Variants in AFG1L observed in about 807,000 individuals in gnomAD.
AFG1L encodes the protein AFG1-like ATPase.
Under a neutral mutation model 62.2 loss-of-function variants are expected in AFG1L, and 53 were observed. The observed-to-expected ratio is 0.85, with a 90% CI of 0.68 to 1.07. AFG1L has a LOEUF of 1.07. AFG1L is among the 50% of genes least tolerant of loss of function. AFG1L has a pLI of 0.00. For missense variants in AFG1L, 555 were observed against 590.5 expected (o/e 0.94, Z 0.62); for synonymous variants, 228 against 210.3 (o/e 1.08, Z -0.73).
At chr6:108,350,352 T>C (rs1302162179) in intron 3 of AFG1L, among the ~76,000 whole-genome samples, 1 of 151,930 alleles carries the variant, frequency 6.6e-6, no homozygotes, top group African/African-American at 2.4e-5. Flanking sequence ...AAATAATTTT[T>C]AAGGAGACTT....
intron 6 of AFG1L, among the ~76,000 whole-genome samples, chr6:108,399,138 T>C (rs932705613): frequency 1.3e-5 from 2 of 151,682 alleles, no homozygotes; most frequent in African/African-American, 4.8e-5. Context: ...CATCAGTGTT[T>C]TATAGTTTCT....
intron 7 of AFG1L, among the ~76,000 whole-genome samples, chr6:108,433,708 T>A (rs1266305958): frequency 6.6e-6 from 1 of 152,136 alleles, no homozygotes; most frequent in Non-Finnish European, 1.5e-5. Flanking sequence ...TTCTCCTGCC[T>A]CGGCTTTCTG....
rs1260084560 is a variant in AFG1L, at chr6:108,356,798, T to A, written c.626T>A (p.Leu209His). Reference sequence around the variant, plus strand: ...GAAGAAATCAGCGAAGAAGCATGTCTCCTATGTTTTGATGAATTTCAGGTA... The same window carrying A: ...GAAGAAATCAGCGAAGAAGCATGTCACCTATGTTTTGATGAATTTCAGGTA... ...IAEEISEEAC[L>H]LCFDEFQVTD... Residue 209 changes from leucine (L) to histidine (H), a missense_variant, in exon 5 of 13, where the codon CTC becomes CAC. Transcript: ENST00000368977. The A allele has an allele frequency of 6.2e-7, 1 of 1,612,700 alleles. No individual in the cohort carries two copies. Among genetic ancestry groups the A allele is most frequent in the South Asian group, 1.1e-5 (1 of 90,632 alleles).
intron 6 of AFG1L, among the ~76,000 whole-genome samples, chr6:108,395,616 G>C (rs1292499772): frequency 6.6e-5 from 10 of 151,676 alleles, no homozygotes; most frequent in Admixed American, 6.6e-4. Context: ...TGCCCAGGCT[G>C]GTCTCAAACT....
rs1010816653 is a variant in AFG1L, at chr6:108,409,853, G to A, written c.807+7799G>A. 3.3e-4 allele frequency among the ~76,000 whole-genome samples: 50 copies of A among 152,130 alleles called. 1 individual carries two copies. Among genetic ancestry groups the A allele is most frequent in the Admixed American group, 3.3e-3 (50 of 15,282 alleles). ...CAGAAAAAAATGCTAGATATGGAAA[G>A]CAGACAGCAGAGATCATACATTCAC... On this transcript the variant is annotated intron_variant, in intron 7 of 12. Transcript: ENST00000368977.
chr6:108,435,410 G>A (rs1771262546), intron 7 of AFG1L, among the ~76,000 whole-genome samples: 1 of 152,172 alleles, frequency 6.6e-6, no homozygotes, highest in Admixed American at 6.5e-5. Context: ...AACAGGGCTG[G>A]GCACAGTGGC....
chr6:108,409,384 A>C (rs937440942), intron 7 of AFG1L, among the ~76,000 whole-genome samples: 10 of 152,212 alleles, frequency 6.6e-5, no homozygotes, highest in Non-Finnish European at 5.9e-5. Context: ...AAATGGATTG[A>C]ACATGGGTCC....
chr6:108,497,001 C>A (rs1002919959), intron 10 of AFG1L, among the ~76,000 whole-genome samples: 6 of 152,112 alleles, frequency 3.9e-5, no homozygotes, highest in African/African-American at 1.4e-4. Context: ...TTGAACCATT[C>A]TTCTGTTATC....
intron 7 of AFG1L, among the ~76,000 whole-genome samples, chr6:108,438,712 G>A (rs1247131582): frequency 6.6e-6 from 1 of 152,042 alleles, no homozygotes; most frequent in East Asian, 1.9e-4. Flanking sequence ...ACTTCATGAT[G>A]CTTAAATATC....
chr6:108,487,722 C>T (rs935116117), intron 10 of AFG1L, among the ~76,000 whole-genome samples: 1 of 152,134 alleles, frequency 6.6e-6, no homozygotes, highest in African/African-American at 2.4e-5. Context: ...GAAAGGTGAG[C>T]AGAATTTAGA....
chr6:108,327,561 C>T (rs1778098256), intron 2 of AFG1L, among the ~76,000 whole-genome samples: 1 of 152,214 alleles, frequency 6.6e-6, no homozygotes, highest in Admixed American at 6.5e-5. Flanking sequence ...TGAGCTCCCT[C>T]AGGCCTCTTT....
intron 7 of AFG1L, among the ~76,000 whole-genome samples, chr6:108,415,021 C>CCCAT (rs1212343871): frequency 6.6e-6 from 1 of 152,052 alleles, no homozygotes; most frequent in Non-Finnish European, 1.5e-5. Context: ...TTTAGAAAAC[C>CCCAT]CCATCGTCTC....
chr6:108,361,192 A>G lies in AFG1L; in HGVS notation c.648+4372A>G, dbSNP rs536618244. On this transcript the variant is annotated intron_variant, in intron 5 of 12. Transcript: ENST00000368977. The stretch of plus-strand genomic sequence containing the variant: ...TGCCTTTGTGGCTCTTCTCTGACCT[A>G]TGTCCAGTTTATGCCTGTCTGACCA... 5.3e-5 allele frequency among the ~76,000 whole-genome samples: 8 copies of G among 152,282 alleles called. No homozygotes were observed. In the South Asian group the frequency reaches 1.2e-3, roughly 24 times the overall value.
chr6:108,515,655 T>C (rs1466893199), intron 11 of AFG1L, among the ~76,000 whole-genome samples: 1 of 151,924 alleles, frequency 6.6e-6, no homozygotes, highest in East Asian at 1.9e-4. Context: ...AAGATCAGAA[T>C]AGAACGGAAG....
At chr6:108,367,564 T>G (rs977972418) in intron 6 of AFG1L, among the ~76,000 whole-genome samples, 1 of 152,136 alleles carries the variant, frequency 6.6e-6, no homozygotes, top group African/African-American at 2.4e-5. Flanking sequence ...GGTTTTGGCC[T>G]GAGCAATTGG....
At chr6:108,418,030 C>T (rs1582556402) in intron 7 of AFG1L, among the ~76,000 whole-genome samples, 1 of 152,080 alleles carries the variant, frequency 6.6e-6, no homozygotes, top group Non-Finnish European at 1.5e-5. Flanking sequence ...GACGGGGGTT[C>T]ATCATGTTAG....
At chr6:108,453,360 T>G (rs1276425984) in intron 8 of AFG1L, among the ~76,000 whole-genome samples, 1 of 152,232 alleles carries the variant, frequency 6.6e-6, no homozygotes, top group Non-Finnish European at 1.5e-5. Context: ...CTTAAATACT[T>G]TTACTAGTGG....
intron 1 of AFG1L, among the ~76,000 whole-genome samples, chr6:108,314,929 C>T (rs1777535335): frequency 6.6e-6 from 1 of 151,948 alleles, no homozygotes; most frequent in East Asian, 1.9e-4. Flanking sequence ...AACTTTGCCT[C>T]CTGGGTTCAA....
chr6:108,373,082 G>A (rs1562116332), intron 6 of AFG1L, among the ~76,000 whole-genome samples: 1 of 151,972 alleles, frequency 6.6e-6, no homozygotes, highest in African/African-American at 2.4e-5. Flanking sequence ...GTGCAGGTTT[G>A]TTACCTATAT....
Sources: gnomAD v4.1 joint callset for allele counts (sites outside exome capture counted in the v4.1 genomes callset) on GRCh38, gnomAD v4.1.1 for gene constraint, MANE v1.5 for transcripts, NCBI Gene and HGNC (gene_info 2026-07-23, HGNC 2026-07-21) for gene names.